FBXL13: variants seen among roughly 807,000 people sequenced by gnomAD.
FBXL13 encodes F-box and leucine-rich repeat protein 13.
FBXL13 carries 67 observed loss-of-function variants against 83.6 expected under a neutral mutation model. The ratio of observed to expected loss-of-function variants is 0.80; its 90% confidence interval spans 0.66 to 0.98. FBXL13 has a LOEUF of 0.98. Ranked by LOEUF, FBXL13 falls within the 50% of genes least tolerant of loss-of-function variation. The pLI is 0.00. For synonymous variants in FBXL13, 272 were observed against 299.5 expected (o/e 0.91, Z 0.95); for missense variants, 822 against 866.5 (o/e 0.95, Z 0.64).
At chr7:102,853,242 T>C (rs1360437369) in intron 17 of FBXL13, among the ~76,000 whole-genome samples, 2 of 152,108 alleles carry the variant, frequency 1.3e-5, no homozygotes, top group African/African-American at 4.8e-5. Context: ...ACTGCTTAGG[T>C]GATGGGTGCA....
At chr7:103,067,521 T>C (rs1426382810) in intron 1 of FBXL13, among the ~76,000 whole-genome samples, 1 of 152,182 alleles carries the variant, frequency 6.6e-6, no homozygotes, top group African/African-American at 2.4e-5. Flanking sequence ...AAAAGGAGAT[T>C]TTACTTGGCT....
intron 6 of FBXL13, among the ~76,000 whole-genome samples, chr7:102,987,316 T>C (rs1829088521): frequency 6.6e-6 from 1 of 152,040 alleles, no homozygotes; most frequent in African/African-American, 2.4e-5. Context: ...AAATTGTAAA[T>C]AAAAATCCCA....
At chr7:102,827,213 A>C in intron 18 of FBXL13, 3 of 446,844 alleles carry the variant, frequency 6.7e-6, no homozygotes, top group South Asian at 4.7e-5. Flanking sequence ...AGCTTGCTGG[A>C]GGATGAGACC....
At chr7:102,911,349 T>C (rs1814645549) in intron 11 of FBXL13, among the ~76,000 whole-genome samples, 1 of 152,170 alleles carries the variant, frequency 6.6e-6, no homozygotes, top group African/African-American at 2.4e-5. Context: ...AGGAGGTAAG[T>C]CATACCATGA....
At chr7:102,965,904 T>C (rs1825920309) in intron 7 of FBXL13, among the ~76,000 whole-genome samples, 1 of 152,172 alleles carries the variant, frequency 6.6e-6, no homozygotes, top group African/African-American at 2.4e-5. Flanking sequence ...TTATTGCTAA[T>C]GATTGAAGGA....
At chr7:102,835,079 A>G (rs1169782772) in intron 17 of FBXL13, among the ~76,000 whole-genome samples, 1 of 152,232 alleles carries the variant, frequency 6.6e-6, no homozygotes, top group Admixed American at 6.5e-5. Flanking sequence ...AGAAAAACTG[A>G]AAGATATTGG....
intron 4 of FBXL13, among the ~76,000 whole-genome samples, chr7:103,028,359 T>C (rs988940792): frequency 6.6e-6 from 1 of 152,216 alleles, no homozygotes; most frequent in African/African-American, 2.4e-5. Context: ...TTTATATTCA[T>C]GTATACATAC....
At chr7:102,914,050 A>G (rs1468624749) in intron 10 of FBXL13, among the ~76,000 whole-genome samples, 4 of 152,140 alleles carry the variant, frequency 2.6e-5, no homozygotes, top group Admixed American at 2.6e-4. Context: ...ACAATTTCCC[A>G]AGCCCTCCAA....
At chr7:102,822,271 C>T in intron 18 of FBXL13, 68 bp from the exon 20 acceptor site, 1 of 1,446,502 alleles carries the variant, frequency 6.9e-7, no homozygotes. Context: ...GTGCCTTAGT[C>T]ACTTTGGGCA....
intron 6 of FBXL13, among the ~76,000 whole-genome samples, chr7:103,014,349 T>A (rs969400805): frequency 6.6e-6 from 1 of 151,942 alleles, no homozygotes; most frequent in Non-Finnish European, 1.5e-5. Flanking sequence ...AGCAAGACCC[T>A]GTCTCAAACA....
intron 8 of FBXL13, among the ~76,000 whole-genome samples, chr7:102,953,210 T>C (rs1254125305): frequency 2.0e-5 from 3 of 152,114 alleles, no homozygotes. Flanking sequence ...AAGGAAAAAC[T>C]ACAGAGTAAT....
At chr7:102,908,510 G>A (rs7801143) in intron 11 of FBXL13, among the ~76,000 whole-genome samples, 3,081 of 152,330 alleles carry the variant, frequency 0.02, 95 homozygotes, top group African/African-American at 0.071. Context: ...GGTATTTATT[G>A]TAGTCTTCAC....
intron 14 of FBXL13, 76 bp from the exon 16 acceptor site, chr7:102,878,526 C>A: frequency 1.0e-6 from 1 of 959,762 alleles, no homozygotes; most frequent in Non-Finnish European, 1.5e-6. Flanking sequence ...TAATAGCTAC[C>A]ATACCCAATA....
chr7:102,890,468 GCAGA>G (rs1337955650), intron 11 of FBXL13, among the ~76,000 whole-genome samples: 1 of 152,216 alleles, frequency 6.6e-6, no homozygotes, highest in African/African-American at 2.4e-5. Context: ...ACAAGTCCCA[GCAGA>G]CAGCTACTGC....
chr7:102,891,666 A>T (rs957767683), intron 11 of FBXL13, among the ~76,000 whole-genome samples: 3 of 150,618 alleles, frequency 2.0e-5, no homozygotes, highest in Admixed American at 6.6e-5. Flanking sequence ...ACCAAACATT[A>T]AAAAAAAATT....
At chr7:103,025,038 T>C in intron 6 of FBXL13, 25 bp downstream of exon 7, 2 of 1,563,992 alleles carry the variant, frequency 1.3e-6, no homozygotes, top group Non-Finnish European at 1.7e-6. Flanking sequence ...TTATAGTATA[T>C]AATGTATACT....
intron 8 of FBXL13, among the ~76,000 whole-genome samples, chr7:102,935,143 G>GAGAC (rs2129473901): frequency 6.6e-6 from 1 of 151,624 alleles, no homozygotes; most frequent in East Asian, 1.9e-4. Flanking sequence ...AGAGCACTCT[G>GAGAC]AGACAGAGTG....
chr7:102,837,507 C>T (rs1802205691), intron 17 of FBXL13, among the ~76,000 whole-genome samples: 1 of 152,222 alleles, frequency 6.6e-6, no homozygotes, highest in Non-Finnish European at 1.5e-5. Context: ...GTTTATTCTA[C>T]AGTCTTCCCC....
chr7:102,926,223 A>C, intron 10 of FBXL13, 51 bp downstream of exon 11: 1 of 1,509,190 alleles, frequency 6.6e-7, no homozygotes, highest in Non-Finnish European at 9.1e-7. Flanking sequence ...CAAGCCAGAG[A>C]CTTTGGGAGC....
Sources: gnomAD v4.1 joint callset for allele counts (sites outside exome capture counted in the v4.1 genomes callset) on GRCh38, gnomAD v4.1.1 for gene constraint, MANE v1.5 for transcripts, NCBI Gene and HGNC (gene_info 2026-07-23, HGNC 2026-07-21) for gene names.